USH2A: variants seen among roughly 807,000 people sequenced by gnomAD.
The protein encoded by USH2A is usherin.
In USH2A, 443 loss-of-function variants were observed where a neutral mutation model predicts 538.9. The ratio of observed to expected loss-of-function variants is 0.82; its 90% CI spans 0.76 to 0.89. The LOEUF (loss-of-function observed/expected upper bound fraction) is 0.89, where lower values mean the gene tolerates loss of function less well. Ranked by LOEUF, USH2A falls within the 40% of genes least tolerant of loss-of-function variation. The pLI is 0.00. For missense variants in USH2A, 6,633 were observed against 6,324.8 expected (o/e 1.05, Z -1.65); for synonymous variants, 2,413 against 2,273.5 (o/e 1.06, Z -1.75).
At chr1:216,229,891 C>T (rs904648952) in intron 14 of USH2A, among the ~76,000 whole-genome samples, 1 of 151,948 alleles carries the variant, frequency 6.6e-6, no homozygotes, top group Non-Finnish European at 1.5e-5. Flanking sequence ...AAAGGCTCAG[C>T]CACGAATTTA....
In USH2A at chr1:216,175,386, G is replaced by T; in HGVS notation, c.4493C>A (p.Pro1498His). ...FPPEELNGPSPIYQLERRESS... is the reference protein window; with the variant it reads ...FPPEELNGPSHIYQLERRESS... ...CTCTCTCCTTTCCAGCTGATATATA[G>T]GAGAGGGTCCATTCAGTTCTTCAGG... Residue 1498 changes from proline to histidine, a missense_variant, in exon 21 of 72, where the codon CCT (proline) becomes CAT (histidine). Transcript: ENST00000307340. 6.2e-7 allele frequency: 1 copy of T among 1,613,764 alleles called. No individual in the cohort carries two copies. The highest frequency in any genetic ancestry group is 2.2e-5 in the East Asian group (1 of 44,796).
chr1:216,131,837 T>C (rs2033382783), intron 21 of USH2A, among the ~76,000 whole-genome samples: 1 of 152,128 alleles, frequency 6.6e-6, no homozygotes. Context: ...TTAATGATAG[T>C]AAATACTTAT....
chr1:215,663,086 C>T (rs917153317), intron 64 of USH2A, among the ~76,000 whole-genome samples: 2 of 152,160 alleles, frequency 1.3e-5, no homozygotes, highest in African/African-American at 2.4e-5. Context: ...GAGGGTTGAA[C>T]TTCCTAGCGG....
intron 32 of USH2A, among the ~76,000 whole-genome samples, chr1:216,012,007 T>G (rs1307952030): frequency 4.8e-5 from 3 of 62,264 alleles, no homozygotes; most frequent in Non-Finnish European, 9.6e-5. Context: ...TGAGACGGAG[T>G]CTCGCTCTGT....
At position 216,418,599 on chromosome 1, in the gene USH2A, C is replaced by G; in HGVS notation, c.566G>C (p.Arg189Pro). 1 of 1,613,216 alleles carries G rather than the reference C, an allele frequency of 6.2e-7. No individual in the cohort carries two copies. Among genetic ancestry groups the G allele is most frequent in the South Asian group, 1.1e-5 (1 of 91,068 alleles). The change falls in exon 3 of 72, where the codon CGC becomes CCC. Residue 189 changes from arginine (R) to proline (P), a missense_variant. Transcript: ENST00000307340. Reference sequence around the variant, plus strand: ...TGGAGGTTGCAAACCATTTACTGTGCGATAATAAAACATGGTCTCTTTCTC... The same window carrying G: ...TGGAGGTTGCAAACCATTTACTGTGGGATAATAAAACATGGTCTCTTTCTC... ...ISEKETMFYY[R>P]TVNGLQPPIK...
At chr1:216,203,952 G>T in intron 16 of USH2A, 1 of 160,486 alleles carries the variant, frequency 6.2e-6, no homozygotes. Flanking sequence ...TGTGAATCTG[G>T]GGAGTCAGGG....
At chr1:216,370,501 G>A (rs2038688178) in intron 3 of USH2A, among the ~76,000 whole-genome samples, 1 of 151,574 alleles carries the variant, frequency 6.6e-6, no homozygotes, top group Admixed American at 6.6e-5. Flanking sequence ...CCAAGATGGT[G>A]AAACCCTGTC....
intron 4 of USH2A, among the ~76,000 whole-genome samples, chr1:216,362,449 G>C (rs373468991): frequency 3.2e-4 from 48 of 152,196 alleles, no homozygotes; most frequent in African/African-American, 1.1e-3. Flanking sequence ...AGGATAGTTA[G>C]TGTTTAAGGA....
At chr1:215,969,134 T>C (rs1191602784) in intron 36 of USH2A, among the ~76,000 whole-genome samples, 1 of 152,144 alleles carries the variant, frequency 6.6e-6, no homozygotes, top group East Asian at 1.9e-4. Context: ...AGTTGACTTG[T>C]TCTAAATAAA....
At chr1:216,354,831 AAAAG>A (rs1372296727) in intron 4 of USH2A, among the ~76,000 whole-genome samples, 1 of 152,092 alleles carries the variant, frequency 6.6e-6, no homozygotes, top group East Asian at 1.9e-4. Context: ...AAAAAGGAAA[AAAAG>A]AAAGAAAAGT....
chr1:215,831,310 G>T (rs1050882829), intron 47 of USH2A, among the ~76,000 whole-genome samples: 1 of 152,042 alleles, frequency 6.6e-6, no homozygotes, highest in African/African-American at 2.4e-5. Flanking sequence ...AAACAAGCAG[G>T]CAGAAAATCA....
chr1:215,768,995 C>T (rs900528264), intron 55 of USH2A, among the ~76,000 whole-genome samples: 11 of 152,282 alleles, frequency 7.2e-5, no homozygotes, highest in Admixed American at 2.6e-4. Context: ...GGATATGAGG[C>T]TACGATGTTT....
intron 21 of USH2A, among the ~76,000 whole-genome samples, chr1:216,165,512 A>T (rs1197013508): frequency 6.6e-6 from 1 of 152,194 alleles, no homozygotes; most frequent in Non-Finnish European, 1.5e-5. Context: ...TTACACATCT[A>T]AGGCCAATAG....
chr1:216,319,671 C>A (rs910189724), intron 9 of USH2A, among the ~76,000 whole-genome samples: 1 of 152,100 alleles, frequency 6.6e-6, no homozygotes, highest in Non-Finnish European at 1.5e-5. Context: ...ATAACTAAAT[C>A]AAAGACTCTT....
intron 35 of USH2A, among the ~76,000 whole-genome samples, chr1:215,983,038 C>T (rs1278519974): frequency 6.6e-6 from 1 of 152,180 alleles, no homozygotes; most frequent in Admixed American, 6.5e-5. Context: ...GGAACCTCCG[C>T]CTCCCAGGTT....
intron 3 of USH2A, among the ~76,000 whole-genome samples, chr1:216,399,579 G>A (rs558968347): frequency 2.0e-5 from 3 of 152,174 alleles, no homozygotes; most frequent in East Asian, 1.9e-4. Context: ...TAGGAGGAGG[G>A]TTACTTGACA....
chr1:216,410,775 T>G (rs1016014004), intron 3 of USH2A, among the ~76,000 whole-genome samples: 5 of 152,140 alleles, frequency 3.3e-5, no homozygotes, highest in African/African-American at 1.2e-4. Context: ...CAACTCCCTT[T>G]CCCTCATATT....
At chr1:216,146,476 A>G (rs2033706864) in intron 21 of USH2A, among the ~76,000 whole-genome samples, 1 of 152,144 alleles carries the variant, frequency 6.6e-6, no homozygotes, top group South Asian at 2.1e-4. Context: ...CCACGCAGGG[A>G]CACCTGCCTT....
chr1:216,046,857 T>C (rs1257843065), intron 31 of USH2A, among the ~76,000 whole-genome samples: 2 of 152,180 alleles, frequency 1.3e-5, no homozygotes, highest in Non-Finnish European at 2.9e-5. Context: ...AAAAGTACTA[T>C]TAACCCATAA....
Sources: gnomAD v4.1 joint callset for allele counts (sites outside exome capture counted in the v4.1 genomes callset) on GRCh38, gnomAD v4.1.1 for gene constraint, MANE v1.5 for transcripts, NCBI Gene and HGNC (gene_info 2026-07-23, HGNC 2026-07-21) for gene names.